The following GALNTL6 variants were observed in gnomAD, a reference collection of about 807,000 sequenced individuals.
GALNTL6 encodes polypeptide N-acetylgalactosaminyltransferase-like 6.
Under a neutral mutation model 73.7 loss-of-function variants are expected in GALNTL6, and 46 were observed. That is an observed-to-expected ratio of 0.62 (90% CI 0.49 to 0.80). The LOEUF (loss-of-function observed/expected upper bound fraction) is 0.80. Among genes scored for constraint, GALNTL6 ranks in the 30% least tolerant of loss-of-function variants. The pLI, the probability that GALNTL6 is intolerant of heterozygous loss-of-function variation, is 0.00. For synonymous variants in GALNTL6, 259 were observed against 263.7 expected (o/e 0.98, Z 0.17); for missense variants, 604 against 755.0 (o/e 0.80, Z 2.34).
chr4:172,980,976 C>T (rs1021093554), intron 10 of GALNTL6, among the ~76,000 whole-genome samples: 1 of 152,182 alleles, frequency 6.6e-6, no homozygotes, highest in African/African-American at 2.4e-5. Context: ...TGGCTTATTT[C>T]GCTTAGCATA....
At chr4:172,564,598 A>G (rs1339467550) in intron 5 of GALNTL6, among the ~76,000 whole-genome samples, 4 of 152,244 alleles carry the variant, frequency 2.6e-5, no homozygotes, top group Admixed American at 6.5e-5. Flanking sequence ...CCCTTGCTAC[A>G]GGTAAATCCT....
intron 7 of GALNTL6, among the ~76,000 whole-genome samples, chr4:172,848,106 A>G (rs574535345): frequency 2.0e-5 from 3 of 152,314 alleles, no homozygotes; most frequent in South Asian, 2.1e-4. Context: ...TTGGATTGAC[A>G]TATCCTACAA....
chr4:172,911,618 A>G (rs1747207636), intron 8 of GALNTL6, among the ~76,000 whole-genome samples: 1 of 152,220 alleles, frequency 6.6e-6, no homozygotes, highest in African/African-American at 2.4e-5. Context: ...TCCAAAGAAA[A>G]TATTAAAATG....
intron 5 of GALNTL6, among the ~76,000 whole-genome samples, chr4:172,651,850 T>C (rs1188390347): frequency 6.6e-6 from 1 of 152,226 alleles, no homozygotes; most frequent in Non-Finnish European, 1.5e-5. Flanking sequence ...AAATGTCCTT[T>C]GAATTTCTGA....
At chr4:172,528,445 C>T (rs1735045876) in intron 5 of GALNTL6, among the ~76,000 whole-genome samples, 1 of 149,164 alleles carries the variant, frequency 6.7e-6, no homozygotes, top group Non-Finnish European at 1.5e-5. Flanking sequence ...GCAACCTCTG[C>T]CTCCCAGGTT....
At chr4:172,206,969 C>T (rs1238122127) in intron 2 of GALNTL6, among the ~76,000 whole-genome samples, 2 of 151,364 alleles carry the variant, frequency 1.3e-5, no homozygotes, top group African/African-American at 2.4e-5. Context: ...AGGCACCCAC[C>T]ACCACGCCCG....
intron 2 of GALNTL6, among the ~76,000 whole-genome samples, chr4:171,843,738 A>T (rs1325514606): frequency 2.6e-5 from 4 of 152,176 alleles, no homozygotes; most frequent in South Asian, 2.1e-4. Flanking sequence ...TGCCAAAAAA[A>T]ATTCCAAGCA....
intron 5 of GALNTL6, among the ~76,000 whole-genome samples, chr4:172,755,755 A>G (rs1737714935): frequency 6.6e-6 from 1 of 152,210 alleles, no homozygotes; most frequent in South Asian, 2.1e-4. Context: ...TTTTATTTAA[A>G]TTAATTTGTG....
At chr4:172,808,876 G>T (rs570510569) in intron 5 of GALNTL6, among the ~76,000 whole-genome samples, 1 of 152,222 alleles carries the variant, frequency 6.6e-6, no homozygotes, top group South Asian at 2.1e-4. Flanking sequence ...AACTTCTGGG[G>T]GAAAAAATCT....
intron 5 of GALNTL6, among the ~76,000 whole-genome samples, chr4:172,671,952 G>A (rs1037383914): frequency 6.6e-6 from 1 of 152,136 alleles, no homozygotes. Context: ...GTGCAGTGGT[G>A]CAATCTCAGC....
intron 2 of GALNTL6, among the ~76,000 whole-genome samples, chr4:172,113,757 C>A (rs1732917297): frequency 6.6e-6 from 1 of 152,084 alleles, no homozygotes; most frequent in African/African-American, 2.4e-5. Flanking sequence ...ATGACCAAAG[C>A]AGACAAGACC....
chr4:171,821,123 T>C (rs1734667700), intron 2 of GALNTL6, among the ~76,000 whole-genome samples: 1 of 151,958 alleles, frequency 6.6e-6, no homozygotes, highest in African/African-American at 2.4e-5. Flanking sequence ...GCAGCCTCAG[T>C]CTCCTGGGCT....
intron 5 of GALNTL6, among the ~76,000 whole-genome samples, chr4:172,727,079 C>T (rs1735860334): frequency 6.6e-6 from 1 of 152,100 alleles, no homozygotes; most frequent in Non-Finnish European, 1.5e-5. Flanking sequence ...ATTTAAATAA[C>T]AATGAATATT....
intron 5 of GALNTL6, among the ~76,000 whole-genome samples, chr4:172,394,076 G>A (rs1743761117): frequency 6.6e-6 from 1 of 152,058 alleles, no homozygotes; most frequent in African/African-American, 2.4e-5. Context: ...TGGTACACAG[G>A]TAATCTGGCT....
chr4:172,272,250 C>T (rs1390386387), intron 3 of GALNTL6, among the ~76,000 whole-genome samples: 4 of 152,162 alleles, frequency 2.6e-5, no homozygotes, highest in Non-Finnish European at 4.4e-5. Flanking sequence ...CCACTGCACC[C>T]GGCCCCATGG....
intron 5 of GALNTL6, among the ~76,000 whole-genome samples, chr4:172,561,234 T>C (rs1736349436): frequency 9.0e-6 from 1 of 111,468 alleles, no homozygotes; most frequent in Non-Finnish European, 1.6e-5. Context: ...CAGTCCGGCC[T>C]GGGCGACAGA....
chr4:172,712,291 C>T (rs1034535929), intron 5 of GALNTL6, among the ~76,000 whole-genome samples: 12 of 152,044 alleles, frequency 7.9e-5, no homozygotes, highest in Non-Finnish European at 1.6e-4. Context: ...ATCATTGATG[C>T]CACTTTTCTT....
At chr4:172,267,101 G>A (rs1217801213) in intron 3 of GALNTL6, among the ~76,000 whole-genome samples, 2 of 152,086 alleles carry the variant, frequency 1.3e-5, no homozygotes, top group African/African-American at 2.4e-5. Context: ...CAGGTAATAA[G>A]CCTTTTTATG....
At chr4:171,886,114 T>C (rs1290754272) in intron 2 of GALNTL6, among the ~76,000 whole-genome samples, 4 of 152,022 alleles carry the variant, frequency 2.6e-5, no homozygotes, top group African/African-American at 9.7e-5. Flanking sequence ...AAAAATACCA[T>C]CATAAATTTG....
Sources: allele counts gnomAD v4.1 joint callset (sites outside exome capture counted in the v4.1 genomes callset), GRCh38; gene constraint gnomAD v4.1.1; transcripts MANE v1.5; gene names NCBI Gene and HGNC (gene_info 2026-07-23, HGNC 2026-07-21).